Variants in VPS13D observed in about 807,000 individuals in gnomAD.
VPS13D encodes intermembrane lipid transfer protein VPS13D.
A neutral mutation model predicts 461.9 loss-of-function variants in VPS13D; 187 were observed. That is an observed-to-expected ratio of 0.40 (90% confidence interval 0.36 to 0.46). VPS13D has a LOEUF of 0.46. VPS13D is among the 20% of genes least tolerant of loss of function. The probability of loss-of-function intolerance (pLI) is 0.60; values close to 1 mark genes in which losing one functional copy is unlikely to be tolerated. For missense variants in VPS13D, 4,711 were observed against 5,364.9 expected, an observed-to-expected ratio of 0.88 and a Z score of 3.81; for synonymous variants, 1,951 against 1,986.3, an observed-to-expected ratio of 0.98 and a Z score of 0.47.
rs753936998 is a variant in VPS13D, at chr1:12,369,480, T to G, written c.10586T>G (p.Phe3529Cys). 5.0e-6 allele frequency: 8 copies of G among 1,614,032 alleles called. No individual in the cohort carries two copies. The part of the protein sequence containing the change: ...IDNFSKVPVV[F>C]TQHGVAEPRL... ...CCATCACTCTAGGTCCCGGTTGTCT[T>G]TACTCAGCATGGCGTAGCTGAACCC... Residue 3529 changes from phenylalanine (F) to cysteine (C), a missense_variant, in exon 54 of 70, where the codon TTT becomes TGT. Phe to Cys is a radical substitution (Grantham distance 205). Transcript: ENST00000620676.
At chr1:12,254,946 T>C (rs1640866924) in intron 7 of VPS13D, among the ~76,000 whole-genome samples, 1 of 151,762 alleles carries the variant, frequency 6.6e-6, no homozygotes, top group Non-Finnish European at 1.5e-5. Flanking sequence ...ATGATGGCTT[T>C]CTTCTTTTTT....
intron 8 of VPS13D, 124 bp from the exon 9 acceptor site, chr1:12,256,863 G>A: frequency 9.7e-7 from 1 of 1,034,980 alleles, no homozygotes; most frequent in South Asian, 1.6e-5. Context: ...TGGTCTTTCA[G>A]TTTGCACTGG....
In VPS13D at chr1:12,333,334, G is replaced by T. The variant is rs1643377361; in HGVS notation, c.8396G>T (p.Arg2799Leu). 1.2e-6 allele frequency: 2 copies of T among 1,614,006 alleles called. No homozygotes were observed. The highest frequency in any genetic ancestry group is 1.3e-5 in the African/African-American group (1 of 74,912). ...RLKLEAKAKP[R>L]LDINITSVLI... ...AAGCTAGAAGCCAAGGCCAAACCTC[G>T]TTTGGATATCAATATCACTTCTGTG... Residue 2799 changes from arginine to leucine, a missense_variant, in exon 38 of 70, where the codon CGT (arginine) becomes CTT (leucine). Physicochemically the swap from Arg to Leu is moderately radical, Grantham distance 102. Around this residue, in one of 3 missense-constraint regions of VPS13D, gnomAD observed 4,411 missense variants for 4,937.8 expected, o/e 0.89. Transcript: ENST00000620676.
At chr1:12,291,476 G>A (rs1051859885) in intron 23 of VPS13D, among the ~76,000 whole-genome samples, 7 of 152,096 alleles carry the variant, frequency 4.6e-5, no homozygotes, top group Admixed American at 6.5e-5. Context: ...GAAAAAAGCC[G>A]TCTGTGTGTG....
chr1:12,423,963 C>T (rs926456505), intron 65 of VPS13D, among the ~76,000 whole-genome samples: 11 of 152,134 alleles, frequency 7.2e-5, no homozygotes, highest in African/African-American at 2.4e-4. Context: ...ATTCTGAAGG[C>T]GAAAAGGCAA....
At chr1:12,376,212 G>A (rs115665109) in intron 55 of VPS13D, among the ~76,000 whole-genome samples, 3,320 of 152,324 alleles carry the variant, frequency 0.022, 63 homozygotes, top group African/African-American at 0.038. Context: ...GAGATGGGAA[G>A]CACAGCTTAG....
chr1:12,302,477 T>C (rs890055910), intron 25 of VPS13D, among the ~76,000 whole-genome samples: 2 of 152,220 alleles, frequency 1.3e-5, no homozygotes, highest in African/African-American at 2.4e-5. Flanking sequence ...GAAGACATTT[T>C]TGCAAAAGGG....
intron 46 of VPS13D, among the ~76,000 whole-genome samples, chr1:12,352,965 CAAAAAA>C (rs61588046): frequency 0.03 from 519 of 17,442 alleles, 4 homozygotes; most frequent in Admixed American, 0.17. Flanking sequence ...AACTCAGTCT[CAAAAAA>C]AAAAAAAAAA....
intron 65 of VPS13D, among the ~76,000 whole-genome samples, chr1:12,444,396 G>T (rs1475822167): frequency 6.6e-6 from 1 of 152,018 alleles, no homozygotes; most frequent in Non-Finnish European, 1.5e-5. Flanking sequence ...AGAACTTCTT[G>T]AATTTGCAGT....
At chr1:12,474,146 G>A (rs934583098) in intron 67 of VPS13D, among the ~76,000 whole-genome samples, 3 of 152,146 alleles carry the variant, frequency 2.0e-5, no homozygotes, top group Admixed American at 6.5e-5. Context: ...TCTGTTGTCT[G>A]CCGAGACTAG....
intron 10 of VPS13D, 40 bp from the exon 11 acceptor site, chr1:12,260,653 T>G: frequency 1.9e-6 from 3 of 1,565,862 alleles, no homozygotes; most frequent in Non-Finnish European, 2.6e-6. Context: ...TCTACAACGT[T>G]TGTGTTTTTG....
At chr1:12,354,553 A>G (rs1643869915) in intron 47 of VPS13D, among the ~76,000 whole-genome samples, 1 of 152,170 alleles carries the variant, frequency 6.6e-6, no homozygotes, top group Non-Finnish European at 1.5e-5. Context: ...AAGAACTTAT[A>G]GAAAAGGATG....
intron 42 of VPS13D, among the ~76,000 whole-genome samples, chr1:12,344,426 A>G (rs1643633199): frequency 6.6e-6 from 1 of 152,120 alleles, no homozygotes; most frequent in African/African-American, 2.4e-5. Flanking sequence ...AAAAAAAATC[A>G]CTATGCTGGG....
At chr1:12,332,764 C>T (rs938990925) in intron 37 of VPS13D, among the ~76,000 whole-genome samples, 2 of 152,108 alleles carry the variant, frequency 1.3e-5, no homozygotes, top group South Asian at 4.1e-4. Context: ...AGTTTTTGTG[C>T]ATATTTTAAG....
chr1:12,349,411 C>CA (rs1553182059), intron 46 of VPS13D, 37 bp downstream of exon 46: 2 of 1,419,792 alleles, frequency 1.4e-6, no homozygotes, highest in South Asian at 2.7e-5. Flanking sequence ...TCACTTTTGC[C>CA]TTTTTTTTTT....
chr1:12,348,115 AAAG>A (rs1000878912), intron 44 of VPS13D, among the ~76,000 whole-genome samples: 2 of 152,236 alleles, frequency 1.3e-5, no homozygotes, highest in African/African-American at 4.8e-5. Flanking sequence ...ATTTAGAAAA[AAAG>A]AAGTTATTAT....
chr1:12,400,958 G>GCACACACACACA (rs752200366), intron 61 of VPS13D, among the ~76,000 whole-genome samples: 1 of 80,436 alleles, frequency 1.2e-5, no homozygotes, highest in African/African-American at 4.9e-5. Flanking sequence ...GCACCTGCGC[G>GCACACACACACA]CGCGCACACA....
Position 12,396,029 on chromosome 1 carries a change from A to ATATATATATGTATT in VPS13D, c.11635-4152_11635-4151insTATATATATGTATT, listed in dbSNP as rs1553187933. 2.0e-3 allele frequency among the ~76,000 whole-genome samples: 240 copies of ATATATATATGTATT among 119,810 alleles called. 1 individual carries two copies. Among genetic ancestry groups the ATATATATATGTATT allele is most frequent in the South Asian group, 4.2e-3 (17 of 4,074 alleles). The allele number at this position is 119,810 out of a possible 152,430, so 78.6% of individuals were successfully genotyped here. The stretch of plus-strand genomic sequence containing the variant: ...TATATATATATATATATATATATAT[A>ATATATATATGTATT]GTTCTTTAAGATCAATAAAATTAAT... On this transcript the variant is annotated intron_variant, in intron 60 of 69. Coordinates refer to ENST00000620676, the MANE Select transcript of VPS13D (RefSeq NM_015378.4).
intron 24 of VPS13D, among the ~76,000 whole-genome samples, chr1:12,298,013 T>C (rs1472601003): frequency 6.6e-6 from 1 of 152,182 alleles, no homozygotes; most frequent in Non-Finnish European, 1.5e-5. Context: ...CCTGTATATA[T>C]ATAAATACAT....
Sources: allele counts gnomAD v4.1 joint callset (sites outside exome capture counted in the v4.1 genomes callset), GRCh38; gene constraint gnomAD v4.1.1; regional missense constraint gnomAD v4.1.1; transcripts MANE v1.5; gene names NCBI Gene and HGNC (gene_info 2026-07-23, HGNC 2026-07-21).